OOEP: variants seen among roughly 807,000 people sequenced by gnomAD.
OOEP encodes oocyte-expressed protein homolog.
In OOEP, 16 loss-of-function variants were observed where a neutral mutation model predicts 13.7. The ratio of observed to expected loss-of-function variants is 1.16; its 90% CI spans 0.79 to 1.77. The LOEUF (loss-of-function observed/expected upper bound fraction) is 1.77. Ranked by LOEUF, OOEP falls within the 40% of genes most tolerant of loss-of-function variation. The pLI is 0.00. For synonymous variants in OOEP, 89 were observed against 77.1 expected (o/e 1.15, Z -0.81); for missense variants, 195 against 193.1 (o/e 1.01, Z -0.06).
At chr6:73,389,738 T>C (rs1769321223) in intron 2 of OOEP, among the ~76,000 whole-genome samples, 1 of 151,996 alleles carries the variant, frequency 6.6e-6, no homozygotes, top group African/African-American at 2.4e-5. Flanking sequence ...GAGATATACC[T>C]AATGTTAAAT....
chr6:73,384,544 A>G (rs1769244975), intron 2 of OOEP, among the ~76,000 whole-genome samples: 1 of 152,142 alleles, frequency 6.6e-6, no homozygotes, highest in African/African-American at 2.4e-5. Context: ...ATAAAAAATG[A>G]GCAAACTTGG....
At chr6:73,392,074 C>T (rs1769354404) in intron 2 of OOEP, among the ~76,000 whole-genome samples, 1 of 152,188 alleles carries the variant, frequency 6.6e-6, no homozygotes, top group Admixed American at 6.5e-5. Context: ...TCTGCTTCTA[C>T]TTTCTGGAAG....
upstream of OOEP, among the ~76,000 whole-genome samples, chr6:73,371,934 C>CA (rs1769064449): frequency 6.6e-6 from 1 of 151,634 alleles, no homozygotes; most frequent in Non-Finnish European, 1.5e-5. Context: ...TCTCAAAAAA[C>CA]AAACAAAAAC....
Position 73,369,253 on chromosome 6 carries a change from C to A in OOEP, c.323G>T (p.Ser108Ile), listed in dbSNP as rs1769004641. ...GRPRVQNRVK[S>I]MLLCLAWFHR... ...AAACCATGCCAGGCACAGGAGCATG[C>A]TCTTCACCCGATTCTGTACACGGGG... The change falls in exon 2 of 3, where the codon AGC becomes ATC. Residue 108 changes from serine to isoleucine, a missense_variant. Transcript: ENST00000370359. 1.7e-5 allele frequency: 27 copies of A among 1,613,948 alleles called. No individual in the cohort carries two copies. The highest frequency in any genetic ancestry group is 2.0e-5 in the Non-Finnish European group (24 of 1,179,866).
chr6:73,389,445 A>T (rs1769317200), intron 2 of OOEP, among the ~76,000 whole-genome samples: 2 of 152,226 alleles, frequency 1.3e-5, no homozygotes, highest in South Asian at 4.1e-4. Flanking sequence ...CGAACTTGAA[A>T]GGCCCGCAGG....
chr6:73,370,002 G>C (rs1338032333), upstream of OOEP: 3 of 576,400 alleles, frequency 5.2e-6, no homozygotes, highest in African/African-American at 1.9e-5. Flanking sequence ...CAATCGCCGG[G>C]ATTGCCTCTT....
exon 2 of OOEP, chr6:73,394,418 G>C (rs944660765): frequency 3.5e-5 from 25 of 712,756 alleles, no homozygotes; most frequent in African/African-American, 3.3e-4. Context: ...GGAGGCCGAG[G>C]CTGGAAGATC....
exon 1 of OOEP, chr6:73,394,808 G>A (rs1769425747): frequency 1.3e-6 from 2 of 1,530,016 alleles, no homozygotes; most frequent in Admixed American, 1.9e-5. Flanking sequence ...CTTAAGTAGC[G>A]GCTGCGTGGC....
At position 73,368,710 on chromosome 6, in the gene OOEP, C is replaced by T. The variant is rs1358782722; in HGVS notation, c.*74G>A. The T allele has an allele frequency of 1.0e-6, 1 of 956,886 alleles. No individual in the cohort carries two copies. 59.3% of individuals were successfully genotyped at this position (956,886 alleles called of 1,614,324 possible). Reference sequence around the variant, plus strand: ...AAAGGAATACGGGGATTTAAGAATGCTATACTTGCTTTTCTTCAACTTTAG... The same window carrying T: ...AAAGGAATACGGGGATTTAAGAATGTTATACTTGCTTTTCTTCAACTTTAG... On this transcript the variant is annotated 3_prime_UTR_variant, in exon 3 of 3. Transcript: ENST00000370359.
chr6:73,385,617 T>C (rs1253149335), intron 2 of OOEP, among the ~76,000 whole-genome samples: 6 of 150,396 alleles, frequency 4.0e-5, no homozygotes, highest in African/African-American at 1.5e-4. Flanking sequence ...TTTCGGAGTC[T>C]CACTCTATTG....
In OOEP at chr6:73,368,759, T is replaced by A. The variant is rs1180113771; in HGVS notation, c.*25A>T. On this transcript the variant is annotated 3_prime_UTR_variant, in exon 3 of 3. Transcript: ENST00000370359. ...AGCAGCAAAAGTTAGAAAGTTAAGA[T>A]GTTCCCAACAGTAACTATGTTGTCT... is the stretch of plus-strand genomic sequence containing the variant. The A allele has an allele frequency of 1.3e-6, 2 of 1,505,780 alleles. No individual in the cohort carries two copies. The highest frequency in any genetic ancestry group is 3.3e-5 in the Admixed American group (2 of 59,786). 93.3% of individuals were successfully genotyped at this position (1,505,780 alleles called of 1,614,324 possible). A position where few individuals can be genotyped will look rare whatever the true frequency, so the allele number is the denominator to read the frequency against.
intron 2 of OOEP, among the ~76,000 whole-genome samples, chr6:73,389,840 TATA>T (rs1460453397): frequency 1.3e-5 from 2 of 152,138 alleles, no homozygotes; most frequent in South Asian, 2.1e-4. Context: ...AAACTTAAAG[TATA>T]ATAATAAATA....
chr6:73,394,979 G>C (rs201600777), exon 1 of OOEP: 1 of 1,614,244 alleles, frequency 6.2e-7, no homozygotes, highest in Admixed American at 1.7e-5. Flanking sequence ...ACAGTGTCCC[G>C]AGCGCCAGAG....
intron 2 of OOEP, among the ~76,000 whole-genome samples, chr6:73,375,794 T>C (rs1769131016): frequency 1.6e-5 from 1 of 63,370 alleles, no homozygotes; most frequent in Admixed American, 1.5e-4. Context: ...GATCTCCCTT[T>C]TTTTTTTTTT....
intron 2 of OOEP, 51 bp from the exon 3 acceptor site, chr6:73,368,914 G>C: frequency 7.2e-7 from 1 of 1,380,226 alleles, no homozygotes; most frequent in South Asian, 1.2e-5. Context: ...AGTGTTTGCT[G>C]TTTCGAACTA....
chr6:73,393,292 A>G (rs772622941), intron 2 of OOEP, among the ~76,000 whole-genome samples: 4 of 151,812 alleles, frequency 2.6e-5, no homozygotes, highest in Non-Finnish European at 5.9e-5. Context: ...GGGTCTCACT[A>G]TGTTACCCAG....
At chr6:73,394,947 C>T in exon 1 of OOEP, 2 of 1,614,224 alleles carry the variant, frequency 1.2e-6, no homozygotes, top group South Asian at 1.1e-5. Flanking sequence ...CTACGTGGGT[C>T]GTTGCTAGTC....
chr6:73,390,607 G>C (rs756750793), intron 2 of OOEP, among the ~76,000 whole-genome samples: 5 of 145,258 alleles, frequency 3.4e-5, no homozygotes, highest in Non-Finnish European at 6.0e-5. Flanking sequence ...TTGAGACGGA[G>C]TTTCGTTCTT....
upstream of OOEP, among the ~76,000 whole-genome samples, chr6:73,372,675 GA>G (rs1471484172): frequency 6.6e-6 from 1 of 152,122 alleles, no homozygotes; most frequent in Admixed American, 6.6e-5. Context: ...CAGTTTTCCC[GA>G]GTGCATGGAA....
Sources: gnomAD v4.1 joint callset for allele counts (sites outside exome capture counted in the v4.1 genomes callset) on GRCh38, gnomAD v4.1.1 for gene constraint, MANE v1.5 for transcripts, NCBI Gene and HGNC (gene_info 2026-07-23, HGNC 2026-07-21) for gene names.